Variants in TENM4 observed in about 807,000 individuals in gnomAD.
TENM4 encodes teneurin-4.
In TENM4, 82 loss-of-function variants were observed where a neutral mutation model predicts 243.3. That is an observed-to-expected ratio of 0.34 (90% confidence interval 0.28 to 0.40). TENM4 has a LOEUF of 0.40. Ranked by LOEUF, TENM4 falls within the 10% of genes least tolerant of loss-of-function variation. The probability of loss-of-function intolerance (pLI) is 1.00; values close to 1 mark genes in which losing one functional copy is unlikely to be tolerated. For missense variants in TENM4, 3,138 were observed against 3,673.3 expected (o/e 0.85, Z 3.77); for synonymous variants, 1,412 against 1,456.3 (o/e 0.97, Z 0.69).
chr11:78,806,298 T>C (rs1368460950), intron 14 of TENM4, among the ~76,000 whole-genome samples: 1 of 151,720 alleles, frequency 6.6e-6, no homozygotes, highest in Non-Finnish European at 1.5e-5. Flanking sequence ...ACTCTGTCTC[T>C]AAAAAACAAA....
At chr11:78,698,226 A>G (rs1859012952) in intron 28 of TENM4, among the ~76,000 whole-genome samples, 1 of 152,040 alleles carries the variant, frequency 6.6e-6, no homozygotes, top group South Asian at 2.1e-4. Flanking sequence ...ATATAGTGAA[A>G]CCCCATCTTT....
chr11:78,953,803 G>A (rs1460487529), intron 6 of TENM4, among the ~76,000 whole-genome samples: 1 of 152,100 alleles, frequency 6.6e-6, no homozygotes, highest in Non-Finnish European at 1.5e-5. Flanking sequence ...TGCGGGGAGG[G>A]TCCTGGAACC....
intron 9 of TENM4, among the ~76,000 whole-genome samples, chr11:78,865,481 C>A (rs564317233): frequency 6.6e-6 from 1 of 152,296 alleles, no homozygotes; most frequent in East Asian, 1.9e-4. Flanking sequence ...ATCAAACAGC[C>A]TCCAAGGCTT....
At chr11:78,748,057 A>G (rs1237198756) in intron 19 of TENM4, among the ~76,000 whole-genome samples, 1 of 152,138 alleles carries the variant, frequency 6.6e-6, no homozygotes, top group Non-Finnish European at 1.5e-5. Context: ...GTGCTAGGAC[A>G]TTTGCCCCAA....
intron 12 of TENM4, among the ~76,000 whole-genome samples, chr11:78,829,002 TG>T (rs1438249472): frequency 1.3e-5 from 2 of 152,274 alleles, no homozygotes; most frequent in Non-Finnish European, 1.5e-5. Context: ...CTCCACCCAG[TG>T]GGAGGTTTGG....
At chr11:78,831,224 A>G (rs1323685005) in intron 12 of TENM4, among the ~76,000 whole-genome samples, 1 of 152,206 alleles carries the variant, frequency 6.6e-6, no homozygotes, top group African/African-American at 2.4e-5. Flanking sequence ...AACACTGCCC[A>G]AGTTTCATGG....
chr11:79,235,254 A>G (rs1401691972), intron 2 of TENM4, among the ~76,000 whole-genome samples: 1 of 152,156 alleles, frequency 6.6e-6, no homozygotes, highest in African/African-American at 2.4e-5. Flanking sequence ...CAGAGGTTGC[A>G]GTGAGCCAAG....
At chr11:78,732,226 G>GT (rs1013382723) in intron 21 of TENM4, 90 bp downstream of exon 21, 7 of 1,505,318 alleles carry the variant, frequency 4.7e-6, no homozygotes, top group Non-Finnish European at 5.3e-6. Context: ...CTACAGAGGT[G>GT]TTTTTTCTCT....
intron 6 of TENM4, among the ~76,000 whole-genome samples, chr11:78,999,544 A>C (rs1565161097): frequency 1.3e-5 from 2 of 152,134 alleles, no homozygotes; most frequent in Non-Finnish European, 2.9e-5. Context: ...AAACAAAAAA[A>C]CCACCAAAGA....
chr11:79,325,666 C>G (rs1856962629), intron 1 of TENM4, among the ~76,000 whole-genome samples: 2 of 152,208 alleles, frequency 1.3e-5, no homozygotes, highest in African/African-American at 4.8e-5. Context: ...AGCAAAGGCT[C>G]ACTGTAGGAA....
chr11:78,814,785 A>C (rs1370525797), intron 12 of TENM4, among the ~76,000 whole-genome samples: 2 of 152,222 alleles, frequency 1.3e-5, no homozygotes, highest in Non-Finnish European at 2.9e-5. Context: ...TGCTTTTCTC[A>C]GAATGGGCTG....
intron 1 of TENM4, among the ~76,000 whole-genome samples, chr11:79,357,146 C>T (rs1374311530): frequency 6.6e-6 from 1 of 152,208 alleles, no homozygotes; most frequent in African/African-American, 2.4e-5. Context: ...CATTGAGTGA[C>T]TGTGGGCAGC....
chr11:79,108,851 C>A lies in TENM4; in HGVS notation c.-65-38842G>T, dbSNP rs150915523. ...AAAATTTAGCCAAGGATCTCCTGGG[C>A]TCCTGCCCAGTTCCCTGTCTGCTTT... On this transcript the variant is annotated intron_variant, in intron 4 of 33. Coordinates refer to ENST00000278550, the MANE Select transcript of TENM4 (RefSeq NM_001098816.3). Among the ~76,000 whole-genome samples, 935 of 152,270 alleles carry A rather than the reference C, an allele frequency of 6.1e-3. 13 individuals carry two copies. The highest frequency in any genetic ancestry group is 0.022 in the African/African-American group (900 of 41,562).
intron 9 of TENM4, among the ~76,000 whole-genome samples, chr11:78,878,686 A>T (rs1401676212): frequency 6.6e-6 from 1 of 152,198 alleles, no homozygotes; most frequent in Non-Finnish European, 1.5e-5. Flanking sequence ...GAAATTGGAT[A>T]CCTGGATGGG....
chr11:79,351,942 G>C (rs1857421518), intron 1 of TENM4, among the ~76,000 whole-genome samples: 1 of 151,990 alleles, frequency 6.6e-6, no homozygotes, highest in Admixed American at 6.6e-5. Flanking sequence ...AATGAAACTG[G>C]GAGTCACTTC....
chr11:78,910,709 T>C (rs1333856929), intron 6 of TENM4, among the ~76,000 whole-genome samples: 1 of 152,230 alleles, frequency 6.6e-6, no homozygotes, highest in Non-Finnish European at 1.5e-5. Context: ...ATCAAAACAA[T>C]GAAGTCCACA....
intron 6 of TENM4, among the ~76,000 whole-genome samples, chr11:78,948,041 T>C (rs1857038476): frequency 1.3e-5 from 2 of 152,154 alleles, no homozygotes; most frequent in African/African-American, 4.8e-5. Context: ...TATTGTCCAG[T>C]CTCTAGCCAA....
At chr11:78,970,488 G>T (rs1037515258) in intron 6 of TENM4, among the ~76,000 whole-genome samples, 1 of 152,134 alleles carries the variant, frequency 6.6e-6, no homozygotes, top group Non-Finnish European at 1.5e-5. Context: ...TATTGATTTG[G>T]TCAATTAATT....
chr11:79,177,354 C>T (rs1381719939), intron 3 of TENM4, among the ~76,000 whole-genome samples: 1 of 151,928 alleles, frequency 6.6e-6, no homozygotes, highest in Non-Finnish European at 1.5e-5. Flanking sequence ...CTCCCTTCCC[C>T]TCCCCTCCTT....
Sources: gnomAD v4.1 joint callset for allele counts (sites outside exome capture counted in the v4.1 genomes callset) on GRCh38, gnomAD v4.1.1 for gene constraint, MANE v1.5 for transcripts, NCBI Gene and HGNC (gene_info 2026-07-23, HGNC 2026-07-21) for gene names.